NAP1L4: variants seen among roughly 807,000 people sequenced by gnomAD.
NAP1L4 encodes nucleosome assembly protein 1 like 4.
In NAP1L4, 15 loss-of-function variants were observed where a neutral mutation model predicts 58.2. The ratio of observed to expected loss-of-function variants is 0.26; its 90% CI spans 0.17 to 0.40. The LOEUF (loss-of-function observed/expected upper bound fraction) is 0.40, where lower values mean the gene tolerates loss of function less well. Among genes scored for constraint, NAP1L4 ranks in the 10% least tolerant of loss-of-function variants. The pLI, the probability that NAP1L4 is intolerant of heterozygous loss-of-function variation, is 1.00. For synonymous variants in NAP1L4, 171 were observed against 155.6 expected (o/e 1.10, Z -0.74); for missense variants, 384 against 451.1 (o/e 0.85, Z 1.35).
chr11:2,976,435 G>A (rs967532369), intron 3 of NAP1L4, among the ~76,000 whole-genome samples: 3 of 152,168 alleles, frequency 2.0e-5, no homozygotes, highest in Non-Finnish European at 2.9e-5. Flanking sequence ...CATCATTAAT[G>A]TAAGTTCACA....
Position 2,955,719 on chromosome 11 carries a change from T to TA in NAP1L4, c.915+24dup. 1 of 1,607,798 alleles carries TA rather than the reference T, an allele frequency of 6.2e-7. No individual in the cohort carries two copies. The highest frequency in any genetic ancestry group is 8.5e-7 in the Non-Finnish European group (1 of 1,175,620). On this transcript the variant is annotated intron_variant, in intron 11 of 15. Coordinates refer to ENST00000380542, the MANE Select transcript of NAP1L4 (RefSeq NM_005969.4). The surrounding 1 kb of genome is among the most constrained non-coding windows in gnomAD (Gnocchi z 4.2). ...CTCAGGAGAGACTTCAACAGGAAAA[T>TA]AAGACTATTAACAACAAATCTTACC...
At position 2,949,692 on chromosome 11, in the gene NAP1L4, C is replaced by T. The variant is rs956705160; in HGVS notation, c.1123-428G>A. ...TATCAAAGGTTTCATGGGGTGTTAGCATGTGTAATCCACCACATCATGTTC... is the reference window on the plus strand; with the variant it reads ...TATCAAAGGTTTCATGGGGTGTTAGTATGTGTAATCCACCACATCATGTTC... On this transcript the variant is annotated intron_variant, in intron 14 of 15. Transcript: ENST00000380542. The surrounding 1 kb of genome is among the most constrained non-coding windows in gnomAD (Gnocchi z 4.0). Among the ~76,000 whole-genome samples the T allele has an allele frequency of 3.3e-5, 5 of 152,208 alleles. No homozygotes were observed. Among genetic ancestry groups the T allele is most frequent in the Non-Finnish European group, 7.3e-5 (5 of 68,040 alleles).
At chr11:2,984,150 G>A (rs555377301) in intron 1 of NAP1L4, among the ~76,000 whole-genome samples, 3 of 115,308 alleles carry the variant, frequency 2.6e-5, no homozygotes, top group Non-Finnish European at 4.9e-5. Flanking sequence ...CTGGACAACA[G>A]AGCAAGACCC....
At position 2,959,940 on chromosome 11, in the gene NAP1L4, T is replaced by C; in HGVS notation, c.607-31A>G. On this transcript the variant is annotated intron_variant, in intron 8 of 15. Transcript: ENST00000380542. This position sits in a 1 kb window ranked among gnomAD's most constrained non-coding sequence, Gnocchi z 4.9. ...AGTAGAAATTCAGAGTAAGCACCAG[T>C]TAAAATAGAAAAATAACGAGGACAG... 6.2e-7 allele frequency: 1 copy of C among 1,610,180 alleles called. No individual in the cohort carries two copies. The highest frequency in any genetic ancestry group is 1.1e-5 in the South Asian group (1 of 90,670).
In NAP1L4 at chr11:2,977,763, A is replaced by G. The variant is rs1848051839; in HGVS notation, c.73+521T>C. On this transcript the variant is annotated intron_variant, in intron 3 of 15. Transcript: ENST00000380542. ...TGGAGGGAGTGGGGAGTACAGATAT[A>G]GTTTTTTTTAATGGTGGAAAAATAT... 2.0e-5 allele frequency among the ~76,000 whole-genome samples: 3 copies of G among 151,796 alleles called. No individual in the cohort carries two copies. In the South Asian group the frequency reaches 6.3e-4, roughly 32 times the overall value.
chr11:2,963,841 C>T (rs757211556), intron 8 of NAP1L4: 1 of 519,292 alleles, frequency 1.9e-6, no homozygotes, highest in Admixed American at 1.9e-5. Context: ...TGCTATTGCA[C>T]CGGAATGGAA....
chr11:2,967,817 C>T (rs191709825), intron 7 of NAP1L4, among the ~76,000 whole-genome samples: 1 of 152,154 alleles, frequency 6.6e-6, no homozygotes, highest in African/African-American at 2.4e-5. Context: ...TGCTGAAGCA[C>T]TGACACTACT....
rs1845941511 is a variant in NAP1L4, at chr11:2,946,373, AG to A, written c.*33-728del. Among the ~76,000 whole-genome samples the A allele has an allele frequency of 6.6e-6, 1 of 152,212 alleles. No homozygotes were observed. The highest frequency in any genetic ancestry group is 2.4e-5 in the African/African-American group (1 of 41,460). The stretch of plus-strand genomic sequence containing the variant: ...GATTAACTCCAATATTATCTAACAC[AG>A]AGATCTTGTACCCTTTAAACCACAT... On this transcript the variant is annotated intron_variant, in intron 15 of 15. Coordinates refer to ENST00000380542, the MANE Select transcript of NAP1L4 (RefSeq NM_005969.4). The surrounding 1 kb of genome is among the most constrained non-coding windows in gnomAD (Gnocchi z 4.8).
chr11:2,988,311 G>A (rs1848764882), intron 1 of NAP1L4, among the ~76,000 whole-genome samples: 8 of 152,184 alleles, frequency 5.3e-5, no homozygotes, highest in Admixed American at 5.2e-4. Flanking sequence ...AAAAGATCTT[G>A]TCATCTTGTC....
rs1337702806 is a variant in NAP1L4, at chr11:2,971,820, C to A, written c.315+282G>T. Among the ~76,000 whole-genome samples the A allele has an allele frequency of 1.3e-5, 2 of 151,042 alleles. No homozygotes were observed. The highest frequency in any genetic ancestry group is 4.9e-5 in the African/African-American group (2 of 40,966). The stretch of plus-strand genomic sequence containing the variant: ...TGCAGAAGCCATCACACTTTGGGCA[C>A]CAATACAGCCACACTGTGTTCCTCT... On this transcript the variant is annotated intron_variant, in intron 5 of 15. Coordinates refer to ENST00000380542, the MANE Select transcript of NAP1L4 (RefSeq NM_005969.4). The surrounding 1 kb of genome is among the most constrained non-coding windows in gnomAD (Gnocchi z 4.2).
rs1846756070 is a variant in NAP1L4, at chr11:2,959,903, C to G, written c.613G>C (p.Val205Leu). 1 of 1,613,638 alleles carries G rather than the reference C, an allele frequency of 6.2e-7. No individual in the cohort carries two copies. Among genetic ancestry groups the G allele is most frequent in the African/African-American group, 1.3e-5 (1 of 74,834 alleles). The stretch of plus-strand genomic sequence containing the variant: ...TTGGGTTCAAAGTGGAACTCTAACA[C>G]AAAAGACTAAAAGTAGAAATTCAGA... ...FSDPGQPMSFVLEFHFEPNDY... is the reference protein window; with the variant it reads ...FSDPGQPMSFLLEFHFEPNDY... The change falls in exon 9 of 16, where the codon GTG becomes CTG. Residue 205 changes from valine to leucine, a missense_variant. Coordinates refer to ENST00000380542, the MANE Select transcript of NAP1L4 (RefSeq NM_005969.4). This position sits in a 1 kb window ranked among gnomAD's most constrained non-coding sequence, Gnocchi z 4.9.
In NAP1L4 at chr11:2,949,984, G is replaced by A. The variant is rs1001539967; in HGVS notation, c.1123-720C>T. Reference sequence around the variant, plus strand: ...AGTGTCCATTCAGCGCCCACAAGGCGGAAACACAGCCCAATAAACACACGT... The same window carrying A: ...AGTGTCCATTCAGCGCCCACAAGGCAGAAACACAGCCCAATAAACACACGT... On this transcript the variant is annotated intron_variant, in intron 14 of 15. Coordinates refer to ENST00000380542, the MANE Select transcript of NAP1L4 (RefSeq NM_005969.4). The surrounding 1 kb of genome is among the most constrained non-coding windows in gnomAD (Gnocchi z 4.0). 2.6e-5 allele frequency among the ~76,000 whole-genome samples: 4 copies of A among 152,230 alleles called. No homozygotes were observed. Among genetic ancestry groups the A allele is most frequent in the Admixed American group, 1.3e-4 (2 of 15,290 alleles).
In NAP1L4 at chr11:2,945,581, G is replaced by C. The variant is rs913008775; in HGVS notation, c.*98C>G. 5.8e-5 allele frequency: 89 copies of C among 1,535,078 alleles called. No homozygotes were observed. Among genetic ancestry groups the C allele is most frequent in the Non-Finnish European group, 7.5e-5 (86 of 1,146,204 alleles). The stretch of plus-strand genomic sequence containing the variant: ...CCACAGGCCTGGAGTCCCGACAGCC[G>C]GTCTGCCAGGCACCCGCCTCCGCTT... On this transcript the variant is annotated 3_prime_UTR_variant, in exon 16 of 16. Coordinates refer to ENST00000380542, the MANE Select transcript of NAP1L4 (RefSeq NM_005969.4).
chr11:2,951,149 T>G lies in NAP1L4; in HGVS notation c.1122+110A>C, dbSNP rs1242634034. ...TTCTGACACATTTTAAACTTTCTAA[T>G]TAGGGAATAATGAATATTGTTAACA... On this transcript the variant is annotated intron_variant, in intron 14 of 15. Transcript: ENST00000380542. This position sits in a 1 kb window ranked among gnomAD's most constrained non-coding sequence, Gnocchi z 4.0. 4.8e-6 allele frequency: 4 copies of G among 825,308 alleles called. No individual in the cohort carries two copies. The highest frequency in any genetic ancestry group is 8.1e-6 in the Non-Finnish European group (4 of 495,610). 51.1% of individuals were successfully genotyped at this position (825,308 alleles called of 1,614,324 possible).
intron 8 of NAP1L4, among the ~76,000 whole-genome samples, chr11:2,964,125 C>CT (rs993706264): frequency 5.1e-4 from 75 of 147,892 alleles, no homozygotes; most frequent in Middle Eastern, 3.5e-3. Context: ...CTTATTTGCG[C>CT]TTTTTTTTTT....
In NAP1L4 at chr11:2,945,365, G is replaced by A. The variant is rs113225693; in HGVS notation, c.*314C>T. Reference sequence around the variant, plus strand: ...AGGCCCAGGGAAGTCCAGAGCTACAGGCACCAAGGCTGCAGAGGGTGCTGG... The same window carrying A: ...AGGCCCAGGGAAGTCCAGAGCTACAAGCACCAAGGCTGCAGAGGGTGCTGG... On this transcript the variant is annotated 3_prime_UTR_variant, in exon 16 of 16. Transcript: ENST00000380542. The A allele has an allele frequency of 1.4e-5, 7 of 493,198 alleles. No homozygotes were observed. Among genetic ancestry groups the A allele is most frequent in the African/African-American group, 3.9e-5 (2 of 50,782 alleles). 30.6% of individuals were successfully genotyped at this position (493,198 alleles called of 1,614,324 possible).
intron 4 of NAP1L4, among the ~76,000 whole-genome samples, chr11:2,975,482 G>C (rs1195714994): frequency 6.6e-6 from 1 of 152,024 alleles, no homozygotes; most frequent in Non-Finnish European, 1.5e-5. Context: ...CGTTATCCCA[G>C]CATTTTGAGA....
Position 2,954,177 on chromosome 11 carries a change from G to A in NAP1L4, c.1035+350C>T. On this transcript the variant is annotated intron_variant, in intron 12 of 15. Coordinates refer to ENST00000380542, the MANE Select transcript of NAP1L4 (RefSeq NM_005969.4). The surrounding 1 kb of genome is among the most constrained non-coding windows in gnomAD (Gnocchi z 4.8). ...TAGCATAAGTCCACTGTCAATAAAT[G>A]TTTGTTGTGGCCAGACCTCCATAAA... 1 of 275,298 alleles carries A rather than the reference G, an allele frequency of 3.6e-6. No individual in the cohort carries two copies. Among genetic ancestry groups the A allele is most frequent in the Non-Finnish European group, 6.9e-6 (1 of 143,974 alleles). The allele number at this position is 275,298 out of a possible 1,614,324, so 17.1% of individuals were successfully genotyped here.
Position 2,954,473 on chromosome 11 carries a change from G to A in NAP1L4, c.1035+54C>T. 4 of 1,611,982 alleles carry A rather than the reference G, an allele frequency of 2.5e-6. No homozygotes were observed. Among genetic ancestry groups the A allele is most frequent in the East Asian group, 2.2e-5 (1 of 44,812 alleles). ...CTAAGCCACAATTCAGGGCCACTCT[G>A]CACCAACAGAGATAAGCACCCAGGT... On this transcript the variant is annotated intron_variant, in intron 12 of 15. Transcript: ENST00000380542. The surrounding 1 kb of genome is among the most constrained non-coding windows in gnomAD (Gnocchi z 4.8).
Sources: gnomAD v4.1 joint callset for allele counts (sites outside exome capture counted in the v4.1 genomes callset) on GRCh38, gnomAD v4.1.1 for gene constraint, Gnocchi (gnomAD v3.1) non-coding constraint, MANE v1.5 for transcripts, NCBI Gene and HGNC (gene_info 2026-07-23, HGNC 2026-07-21) for gene names.